GALNT2: variants seen among roughly 807,000 people sequenced by gnomAD.
The protein encoded by GALNT2 is UDP-GalNAc:polypeptide N-acetylgalactosaminyltransferase 2.
A neutral mutation model predicts 81.4 loss-of-function variants in GALNT2; 31 were observed. The observed-to-expected ratio is 0.38, with a 90% CI of 0.29 to 0.51. The LOEUF is 0.51. Among genes scored for constraint, GALNT2 ranks in the 20% least tolerant of loss-of-function variants. The probability of loss-of-function intolerance (pLI) is 0.87; values close to 1 mark genes in which losing one functional copy is unlikely to be tolerated. For missense variants in GALNT2, 629 were observed against 765.7 expected (o/e 0.82, Z 2.11); for synonymous variants, 303 against 287.4 (o/e 1.05, Z -0.55).
At chr1:230,223,396 CAT>C (rs1164991155) in intron 3 of GALNT2, among the ~76,000 whole-genome samples, 2 of 151,450 alleles carry the variant, frequency 1.3e-5, no homozygotes, top group Admixed American at 1.3e-4. Flanking sequence ...TTTTGTAACA[CAT>C]ATATTTTGAT....
Position 230,178,286 on chromosome 1 carries a change from A to G in GALNT2, c.195A>G (p.Ala65=), listed in dbSNP as rs754280873. The change falls in exon 2 of 16, where the codon GCA becomes GCG. Residue 65 remains alanine (A), a synonymous_variant. Coordinates refer to ENST00000366672, the MANE Select transcript of GALNT2 (RefSeq NM_004481.5). ...ATCACAGCAATGGAGAAGAGAAAGC[A>G]CAAAGCATGGAGACCCTCCCTCCAG... ...DLHHSNGEEK[A]QSMETLPPGK... 1 of 1,614,088 alleles carries G rather than the reference A, an allele frequency of 6.2e-7. No individual in the cohort carries two copies. Among genetic ancestry groups the G allele is most frequent in the Non-Finnish European group, 8.5e-7 (1 of 1,179,956 alleles).
At chr1:230,094,146 T>C (rs1660174606) in intron 1 of GALNT2, among the ~76,000 whole-genome samples, 1 of 149,648 alleles carries the variant, frequency 6.7e-6, no homozygotes, top group Non-Finnish European at 1.5e-5. Flanking sequence ...TACAGGTGTG[T>C]GCCACCATGC....
chr1:230,208,294 A>T (rs145176995), intron 3 of GALNT2, among the ~76,000 whole-genome samples: 181 of 152,214 alleles, frequency 1.2e-3, no homozygotes, highest in African/African-American at 4.2e-3. Context: ...GGCCAACAGG[A>T]TGTGCTAATG....
intron 1 of GALNT2, among the ~76,000 whole-genome samples, chr1:230,095,335 T>C (rs929896745): frequency 2.6e-5 from 4 of 152,202 alleles, no homozygotes; most frequent in Non-Finnish European, 5.9e-5. Context: ...CTATCCGTTA[T>C]AGAAACTCCA....
At chr1:230,269,579 C>CT (rs1420934906) in intron 14 of GALNT2, among the ~76,000 whole-genome samples, 2 of 152,080 alleles carry the variant, frequency 1.3e-5, no homozygotes, top group Non-Finnish European at 2.9e-5. Flanking sequence ...CACCAGATCT[C>CT]TAAGAGCTAA....
intron 1 of GALNT2, among the ~76,000 whole-genome samples, chr1:230,109,123 G>A (rs753860254): frequency 1.3e-5 from 2 of 152,198 alleles, no homozygotes; most frequent in Admixed American, 6.5e-5. Flanking sequence ...TTGAATTCCC[G>A]CTCCACCAGT....
At chr1:230,106,075 C>G (rs1332738031) in intron 1 of GALNT2, among the ~76,000 whole-genome samples, 2 of 152,240 alleles carry the variant, frequency 1.3e-5, no homozygotes, top group Non-Finnish European at 2.9e-5. Context: ...ATATTAACCA[C>G]TTGGTGACAC....
At chr1:230,228,719 C>A (rs12030887) in intron 3 of GALNT2, among the ~76,000 whole-genome samples, 1 of 151,856 alleles carries the variant, frequency 6.6e-6, no homozygotes, top group Non-Finnish European at 1.5e-5. Context: ...CATGGCTCCT[C>A]GGGCATGTTG....
At chr1:230,083,121 TG>T (rs1291753318) in intron 1 of GALNT2, among the ~76,000 whole-genome samples, 1 of 130,312 alleles carries the variant, frequency 7.7e-6, no homozygotes, top group African/African-American at 3.0e-5. Context: ...GCCAGGATGA[TG>T]GAGCAGGGAG....
chr1:230,125,638 G>C (rs1010854016), intron 1 of GALNT2, among the ~76,000 whole-genome samples: 1 of 152,216 alleles, frequency 6.6e-6, no homozygotes, highest in African/African-American at 2.4e-5. Context: ...ATTTTGGTGG[G>C]TAAGAGTGCT....
chr1:230,061,757 G>T (rs1241351874), intron 1 of GALNT2, among the ~76,000 whole-genome samples: 1 of 151,782 alleles, frequency 6.6e-6, no homozygotes, highest in Admixed American at 6.6e-5. Context: ...TTGTTTTCTG[G>T]TTTACCACTA....
intron 8 of GALNT2, 89 bp from the exon 9 acceptor site, chr1:230,249,094 AT>A: frequency 7.9e-7 from 1 of 1,272,060 alleles, no homozygotes; most frequent in Non-Finnish European, 1.1e-6. Flanking sequence ...CTGTCCAAAC[AT>A]CGAATATTTT....
chr1:230,239,362 T>C (rs1265799453), intron 6 of GALNT2, among the ~76,000 whole-genome samples: 3 of 152,256 alleles, frequency 2.0e-5, no homozygotes, highest in African/African-American at 7.2e-5. Context: ...AGCCCCACAA[T>C]AGGCCATCTG....
At chr1:230,117,504 C>T (rs1262651556) in intron 1 of GALNT2, among the ~76,000 whole-genome samples, 1 of 152,168 alleles carries the variant, frequency 6.6e-6, no homozygotes, top group African/African-American at 2.4e-5. Context: ...CTTGAACACT[C>T]AGAGGCCATT....
At chr1:230,069,799 G>GT (rs10708608) in intron 1 of GALNT2, among the ~76,000 whole-genome samples, 1 of 152,116 alleles carries the variant, frequency 6.6e-6, no homozygotes, top group South Asian at 2.1e-4. Context: ...GCTAGCTATA[G>GT]TTTTTTTAGA....
intron 2 of GALNT2, among the ~76,000 whole-genome samples, chr1:230,179,794 A>C (rs539258806): frequency 1.3e-5 from 2 of 152,328 alleles, no homozygotes; most frequent in African/African-American, 4.8e-5. Context: ...ATTGATTAAA[A>C]TCTGGCTTAT....
intron 8 of GALNT2, among the ~76,000 whole-genome samples, chr1:230,248,596 A>G (rs762266670): frequency 6.6e-6 from 1 of 152,192 alleles, no homozygotes; most frequent in Non-Finnish European, 1.5e-5. Flanking sequence ...ACAGGTGCCA[A>G]ATATATCTGA....
chr1:230,180,217 C>T (rs918969825), intron 2 of GALNT2, among the ~76,000 whole-genome samples: 4 of 151,414 alleles, frequency 2.6e-5, no homozygotes, highest in Non-Finnish European at 4.4e-5. Context: ...CACGCCTGGC[C>T]TACTTTGGTG....
chr1:230,065,478 C>T (rs1413595547), upstream of GALNT2, among the ~76,000 whole-genome samples: 2 of 152,048 alleles, frequency 1.3e-5, no homozygotes, highest in Non-Finnish European at 2.9e-5. Flanking sequence ...TTCAGTTTGA[C>T]ATGTGGTATT....
Sources: allele counts gnomAD v4.1 joint callset (sites outside exome capture counted in the v4.1 genomes callset), GRCh38; gene constraint gnomAD v4.1.1; transcripts MANE v1.5; gene names NCBI Gene and HGNC (gene_info 2026-07-23, HGNC 2026-07-21).